The following PBRM1 variants were observed in gnomAD, a reference collection of about 807,000 sequenced individuals.
The protein encoded by PBRM1 is polybromo 1.
PBRM1 carries 27 observed loss-of-function variants against 194.5 expected under a neutral mutation model. The ratio of observed to expected loss-of-function variants is 0.14; its 90% CI spans 0.10 to 0.19. The LOEUF (loss-of-function observed/expected upper bound fraction) is 0.19. Ranked by LOEUF, PBRM1 falls within the 10% of genes least tolerant of loss-of-function variation. The pLI, the probability that PBRM1 is intolerant of heterozygous loss-of-function variation, is 1.00. For synonymous variants in PBRM1, 655 were observed against 693.2 expected (o/e 0.94, Z 0.87); for missense variants, 1,466 against 2,077.2 (o/e 0.71, Z 5.72).
At chr3:52,599,018 CAAAAAAA>C (rs59170143) in intron 17 of PBRM1, among the ~76,000 whole-genome samples, 5 of 114,384 alleles carry the variant, frequency 4.4e-5, no homozygotes, top group African/African-American at 1.1e-4. Context: ...CCAGATATCT[CAAAAAAA>C]AAAAAAAAAA....
chr3:52,561,939 T>C (rs1166896106), exon 25 of PBRM1: 8 of 1,613,992 alleles, frequency 5.0e-6, no homozygotes, highest in Non-Finnish European at 6.8e-6. Flanking sequence ...CTTCCTTCTT[T>C]GCACTGCCTT....
At chr3:52,612,986 T>C (rs1560370069) in intron 15 of PBRM1, among the ~76,000 whole-genome samples, 1 of 151,946 alleles carries the variant, frequency 6.6e-6, no homozygotes, top group East Asian at 1.9e-4. Context: ...AAATCAACTA[T>C]AAAAATACAT....
intron 1 of PBRM1, chr3:52,685,390 A>C (rs568468073): frequency 3.3e-5 from 5 of 152,278 alleles, no homozygotes; most frequent in African/African-American, 7.2e-5. Context: ...ACCACAACAA[A>C]AAAAAGAGGC....
At chr3:52,629,838 A>G (rs1400499272) in intron 11 of PBRM1, among the ~76,000 whole-genome samples, 1 of 152,258 alleles carries the variant, frequency 6.6e-6, no homozygotes, top group East Asian at 1.9e-4. Flanking sequence ...AGTTAACAAT[A>G]ATATGTATAA....
In PBRM1 at chr3:52,582,456, C is replaced by T. The variant is rs1474250592; in HGVS notation, c.3388-3257G>A. Among the ~76,000 whole-genome samples, 3 of 137,926 alleles carry T rather than the reference C, an allele frequency of 2.2e-5. No individual in the cohort carries two copies. In the East Asian group the frequency reaches 6.8e-4, roughly 31 times the overall value. The allele number at this position is 137,926 out of a possible 152,430, so 90.5% of individuals were successfully genotyped here. ...ACGGAGTCTCGCTCTGTTGCCTAGGCTGGAATGCAGTGGCGTGATCTCAGC... is the reference window on the plus strand; with the variant it reads ...ACGGAGTCTCGCTCTGTTGCCTAGGTTGGAATGCAGTGGCGTGATCTCAGC... On this transcript the variant is annotated intron_variant, in intron 20 of 29. Transcript: ENST00000296302.
At chr3:52,667,885 C>G (rs1178212002) in intron 3 of PBRM1, among the ~76,000 whole-genome samples, 2 of 149,938 alleles carry the variant, frequency 1.3e-5, no homozygotes, top group Non-Finnish European at 3.0e-5. Context: ...CATAGGGAGA[C>G]TCTGTCTCTA....
chr3:52,589,260 G>T lies in PBRM1; in HGVS notation c.2780-5C>A. 2 of 1,500,862 alleles carry T rather than the reference G, an allele frequency of 1.3e-6. No homozygotes were observed. The highest frequency in any genetic ancestry group is 8.9e-7 in the Non-Finnish European group (1 of 1,129,802). The allele number at this position is 1,500,862 out of a possible 1,614,324, so 93.0% of individuals were successfully genotyped here. ...AATCTTCACTCTTTTCAGCTTCTTA[G>T]GTAAAAAAATAAATAAATAAAGGAA... On this transcript the variant is annotated splice_region_variant and splice_polypyrimidine_tract_variant and intron_variant, in intron 17 of 29. Transcript: ENST00000296302.
intron 5 of PBRM1, among the ~76,000 whole-genome samples, chr3:52,657,060 T>C (rs145154952): frequency 5.2e-4 from 79 of 152,340 alleles, no homozygotes; most frequent in East Asian, 4.2e-3. Context: ...AGGACAAATA[T>C]TGAATGATTC....
At chr3:52,636,624 G>A (rs1175683159) in intron 10 of PBRM1, among the ~76,000 whole-genome samples, 1 of 151,332 alleles carries the variant, frequency 6.6e-6, no homozygotes, top group Non-Finnish European at 1.5e-5. Context: ...GGGTGTGGTG[G>A]CAGGTGACTG....
At chr3:52,589,181 T>A (rs2092762616) in exon 18 of PBRM1, 3 of 1,609,776 alleles carry the variant, frequency 1.9e-6, no homozygotes, top group Non-Finnish European at 2.5e-6. Flanking sequence ...TTTTTAAAGC[T>A]ACAGTCCTGG....
exon 22 of PBRM1, chr3:52,576,617 C>T (rs1364366113): frequency 6.2e-7 from 1 of 1,609,218 alleles, no homozygotes; most frequent in African/African-American, 1.3e-5. Flanking sequence ...TTTTTGTGGG[C>T]TCATGCTCTG....
At chr3:52,570,471 C>T (rs1459504051) in intron 22 of PBRM1, among the ~76,000 whole-genome samples, 1 of 152,080 alleles carries the variant, frequency 6.6e-6, no homozygotes, top group African/African-American at 2.4e-5. Flanking sequence ...GGGATAATTA[C>T]AATTTTCCAT....
At chr3:52,615,089 TTAC>T (rs1305295900) in intron 15 of PBRM1, among the ~76,000 whole-genome samples, 1 of 152,190 alleles carries the variant, frequency 6.6e-6, no homozygotes, top group Non-Finnish European at 1.5e-5. Context: ...AAATCTATTC[TTAC>T]TATTTAAAAT....
intron 2 of PBRM1, among the ~76,000 whole-genome samples, chr3:52,672,746 G>A (rs749172263): frequency 6.6e-6 from 1 of 151,596 alleles, no homozygotes; most frequent in Non-Finnish European, 1.5e-5. Flanking sequence ...CACCTGTCTC[G>A]GCCTCCCAAA....
At position 52,631,171 on chromosome 3, in the gene PBRM1, A is replaced by T. The variant is rs543410427; in HGVS notation, c.1302-2136T>A. 1.3e-4 allele frequency among the ~76,000 whole-genome samples: 20 copies of T among 152,322 alleles called. No homozygotes were observed. In the South Asian group the frequency reaches 4.1e-3, roughly 32 times the overall value. ...AAAGTCTGGATTAAATAAAAGCACC[A>T]TAAATCCTACTGATCAACGTCAGGC... On this transcript the variant is annotated intron_variant, in intron 11 of 29. Coordinates refer to ENST00000296302, the Ensembl canonical transcript of PBRM1.
intron 20 of PBRM1, 134 bp downstream of exon 22, chr3:52,586,291 A>G (rs1410090336): frequency 2.7e-6 from 2 of 735,966 alleles, no homozygotes; most frequent in African/African-American, 3.5e-5. Context: ...TTTCTGTTAT[A>G]GTTTCCTTCT....
In PBRM1 at chr3:52,666,241, C is replaced by T. The variant is rs527675268; in HGVS notation, c.384+2257G>A. Among the ~76,000 whole-genome samples, 3 of 152,164 alleles carry T rather than the reference C, an allele frequency of 2.0e-5. 1 individual carries two copies. In the South Asian group the frequency reaches 6.2e-4, roughly 32 times the overall value. On this transcript the variant is annotated intron_variant, in intron 3 of 29. Transcript: ENST00000296302. ...TTCTGGCCTCGGCAACTTAATGAGA[C>T]CTCATCTCTTAAAAATAAGGCCAGG...
At chr3:52,675,387 C>G (rs151061215) in intron 2 of PBRM1, among the ~76,000 whole-genome samples, 1 of 152,166 alleles carries the variant, frequency 6.6e-6, no homozygotes, top group Non-Finnish European at 1.5e-5. Context: ...TACTCTGATA[C>G]CAAAGCCAGA....
intron 1 of PBRM1, 93 bp downstream of exon 1, chr3:52,685,656 C>T (rs1304887702): frequency 6.8e-6 from 1 of 147,920 alleles, no homozygotes; most frequent in Non-Finnish European, 1.5e-5. Flanking sequence ...CGGGGCGGGG[C>T]TTCCGCCGCG....
Sources: allele counts gnomAD v4.1 joint callset (sites outside exome capture counted in the v4.1 genomes callset), GRCh38; gene constraint gnomAD v4.1.1; transcripts MANE v1.5; gene names NCBI Gene and HGNC (gene_info 2026-07-23, HGNC 2026-07-21).